EDA: variants seen among roughly 807,000 people sequenced by gnomAD.
EDA encodes the protein ectodysplasin A.
A neutral mutation model predicts 23.6 loss-of-function variants in EDA; 2 were observed. That is an observed-to-expected ratio of 0.08 (90% confidence interval 0.03 to 0.27). The LOEUF (loss-of-function observed/expected upper bound fraction) is 0.27, where lower values mean the gene tolerates loss of function less well. Among genes scored for constraint, EDA ranks in the 10% least tolerant of loss-of-function variants. The pLI is 1.00. For missense variants in EDA, 229 were observed against 324.2 expected, an observed-to-expected ratio of 0.71 and a Z score of 2.26; for synonymous variants, 131 against 132.0, an observed-to-expected ratio of 0.99 and a Z score of 0.05.
Position 70,027,882 on chromosome X carries a change from C to G in EDA, c.552C>G (p.Pro184=). The part of the protein sequence containing the change: ...KKGKKAGPPG[P]NGPPGPPGPP... Reference sequence around the variant, plus strand: ...GAAAGAAAGCAGGACCTCCTGGACCCAATGGCCCTCCAGGACCCCCAGGAC... The same window carrying G: ...GAAAGAAAGCAGGACCTCCTGGACCGAATGGCCCTCCAGGACCCCCAGGAC... Residue 184 remains proline (P), a synonymous_variant, in exon 4 of 8, where the codon CCC becomes CCG. Transcript: ENST00000374552. 2 of 997,612 alleles carry G rather than the reference C, an allele frequency of 2.0e-6. No individual in the cohort carries two copies. Among genetic ancestry groups the G allele is most frequent in the Non-Finnish European group, 2.8e-6 (2 of 714,471 alleles). The allele number at this position is 997,612 out of a possible 1,213,427, so 82.2% of individuals were successfully genotyped here.
chrX:69,861,276 A>G (rs1335972509), intron 1 of EDA: 1 of 173,334 alleles, frequency 5.8e-6, no homozygotes, highest in East Asian at 1.4e-4. Flanking sequence ...ATATAGAAAG[A>G]AAATACCAGA....
chrX:69,694,354 G>A (rs1257296778), intron 1 of EDA, among the ~76,000 whole-genome samples: 1 of 112,084 alleles, frequency 8.9e-6, no homozygotes, highest in East Asian at 2.8e-4. Context: ...TTCAGTACTG[G>A]CTGACTTGTT....
intron 1 of EDA, among the ~76,000 whole-genome samples, chrX:69,935,943 T>C (rs1046829524): frequency 8.3e-5 from 9 of 108,551 alleles, no homozygotes; most frequent in African/African-American, 2.7e-4. Context: ...CAAAATGTTA[T>C]ACTTGACTGA....
chrX:70,033,672 A>T, intron 7 of EDA, 144 bp downstream of exon 7: 1 of 670,484 alleles, frequency 1.5e-6, no homozygotes, highest in Non-Finnish European at 2.3e-6. Context: ...CCGCACTGGG[A>T]GGGAGTTGAA....
chrX:69,761,734 C>G (rs1014423919), intron 1 of EDA, among the ~76,000 whole-genome samples: 1 of 112,050 alleles, frequency 8.9e-6, no homozygotes, highest in African/African-American at 3.2e-5. Flanking sequence ...CCCCAGACTA[C>G]TATGCTTTTA....
chrX:69,789,392 G>T (rs113963107), intron 1 of EDA, among the ~76,000 whole-genome samples: 1 of 112,490 alleles, frequency 8.9e-6, no homozygotes, highest in Non-Finnish European at 1.9e-5. Context: ...AGAAGTAGTA[G>T]CAGAATAACC....
intron 1 of EDA, chrX:69,620,315 T>C (rs1256648914): frequency 1.8e-5 from 2 of 112,242 alleles, no homozygotes; most frequent in African/African-American, 6.5e-5. Context: ...ACAGATTTAC[T>C]TAGAACTGTT....
At chrX:69,923,021 ATG>A (rs912304179) in intron 1 of EDA, among the ~76,000 whole-genome samples, 1 of 111,845 alleles carries the variant, frequency 8.9e-6, no homozygotes, top group Non-Finnish European at 1.9e-5. Context: ...GAGGACTAAA[ATG>A]TAATCAGAAT....
intron 1 of EDA, among the ~76,000 whole-genome samples, chrX:69,805,489 C>CAA (rs1192912507): frequency 9.0e-6 from 1 of 111,635 alleles, no homozygotes; most frequent in Non-Finnish European, 1.9e-5. Flanking sequence ...AAGGCCTCTC[C>CAA]AAGATATATC....
intron 2 of EDA, among the ~76,000 whole-genome samples, chrX:70,000,788 A>G (rs1184321321): frequency 8.9e-6 from 1 of 112,311 alleles, no homozygotes; most frequent in Admixed American, 9.5e-5. Context: ...CAGAGAGATG[A>G]AGCAATTTGC....
chrX:70,005,100 A>T (rs2019785729), intron 2 of EDA, among the ~76,000 whole-genome samples: 1 of 111,632 alleles, frequency 9.0e-6, no homozygotes, highest in South Asian at 3.8e-4. Context: ...TGTATCAGGA[A>T]AAAAAGGTGG....
At chrX:69,886,522 ACAG>A (rs199719502) in intron 1 of EDA, among the ~76,000 whole-genome samples, 3,001 of 111,467 alleles carry the variant, frequency 0.027, 100 homozygotes, top group African/African-American at 0.092. Flanking sequence ...GCTGCAGACT[ACAG>A]TAGTACTGCA....
At chrX:69,971,267 A>T (rs2019244369) in intron 2 of EDA, among the ~76,000 whole-genome samples, 1 of 112,297 alleles carries the variant, frequency 8.9e-6, no homozygotes, top group South Asian at 3.7e-4. Context: ...TAGAAGGTCA[A>T]ATGAATTGAT....
chrX:69,682,372 T>C (rs377685787), intron 1 of EDA, among the ~76,000 whole-genome samples: 24 of 112,674 alleles, frequency 2.1e-4, no homozygotes, highest in East Asian at 1.7e-3. Flanking sequence ...CCAGTCTGCT[T>C]TGTTCACCTA....
chrX:69,674,746 T>A (rs750834755), intron 1 of EDA, among the ~76,000 whole-genome samples: 1 of 111,965 alleles, frequency 8.9e-6, no homozygotes, highest in African/African-American at 3.2e-5. Flanking sequence ...AAGAAATACT[T>A]CTTCCAATGG....
chrX:69,616,864 G>A, intron 1 of EDA, 160 bp downstream of exon 1: 1 of 696,388 alleles, frequency 1.4e-6, no homozygotes, highest in Non-Finnish European at 2.1e-6. Context: ...CCCAGGGCAG[G>A]TTGTCTTCGG....
intron 1 of EDA, among the ~76,000 whole-genome samples, chrX:69,771,807 T>C (rs2014647190): frequency 8.9e-6 from 1 of 112,384 alleles, no homozygotes; most frequent in Non-Finnish European, 1.9e-5. Flanking sequence ...TGGAATCATA[T>C]GATACACAGA....
At chrX:69,789,374 GCAGAAC>G (rs1188280969) in intron 1 of EDA, among the ~76,000 whole-genome samples, 2 of 112,397 alleles carry the variant, frequency 1.8e-5, no homozygotes, top group Non-Finnish European at 3.8e-5. Context: ...TTGTTTCTTA[GCAGAAC>G]CAGAAGTAGT....
intron 1 of EDA, among the ~76,000 whole-genome samples, chrX:69,886,819 G>A (rs1056902202): frequency 8.1e-5 from 9 of 111,692 alleles, no homozygotes; most frequent in African/African-American, 2.9e-4. Flanking sequence ...CCATTTGACT[G>A]TGATTCCAGA....
Sources: allele counts gnomAD v4.1 joint callset (sites outside exome capture counted in the v4.1 genomes callset), GRCh38; gene constraint gnomAD v4.1.1; transcripts MANE v1.5; gene names NCBI Gene and HGNC (gene_info 2026-07-23, HGNC 2026-07-21).